SIDT1: variants seen among roughly 807,000 people sequenced by gnomAD.
SIDT1 encodes SID1 transmembrane family, member 1.
A neutral mutation model predicts 107.5 loss-of-function variants in SIDT1; 101 were observed. That is an observed-to-expected ratio of 0.94 (90% CI 0.80 to 1.11). The LOEUF (loss-of-function observed/expected upper bound fraction) is 1.11. Ranked by LOEUF, SIDT1 falls within the 50% of genes least tolerant of loss-of-function variation. SIDT1 has a pLI of 0.00. For missense variants in SIDT1, 1,076 were observed against 1,058.2 expected, an observed-to-expected ratio of 1.02 and a Z score of -0.23; for synonymous variants, 395 against 398.2, an observed-to-expected ratio of 0.99 and a Z score of 0.10.
chr3:113,630,574 A>G (rs1316516589), downstream of SIDT1, among the ~76,000 whole-genome samples: 3 of 152,192 alleles, frequency 2.0e-5, no homozygotes, highest in African/African-American at 7.2e-5. Flanking sequence ...ATCCTCCTCA[A>G]TATGGGTGAT....
At chr3:113,626,507 A>G (rs1025254145) in intron 24 of SIDT1, among the ~76,000 whole-genome samples, 69 of 152,314 alleles carry the variant, frequency 4.5e-4, no homozygotes, top group African/African-American at 1.5e-3. Context: ...CCACATGCCC[A>G]GAATTCCCCC....
At chr3:113,580,505 T>G in intron 4 of SIDT1, 103 bp from the exon 5 acceptor site, 1 of 721,740 alleles carries the variant, frequency 1.4e-6, no homozygotes, top group Non-Finnish European at 2.5e-6. Flanking sequence ...AATTCATTAA[T>G]GGAGATTCAC....
intron 3 of SIDT1, among the ~76,000 whole-genome samples, chr3:113,573,366 T>C (rs1034144968): frequency 6.6e-6 from 1 of 152,158 alleles, no homozygotes; most frequent in South Asian, 2.1e-4. Context: ...GGCATTATTG[T>C]GGTATTTACA....
At chr3:113,560,642 T>A (rs891095995) in intron 1 of SIDT1, among the ~76,000 whole-genome samples, 3 of 152,164 alleles carry the variant, frequency 2.0e-5, no homozygotes, top group Non-Finnish European at 4.4e-5. Context: ...GTTTTACAAG[T>A]GGAGTCAGTT....
intron 3 of SIDT1, among the ~76,000 whole-genome samples, chr3:113,569,149 A>AAAG (rs1942215650): frequency 6.6e-6 from 1 of 151,284 alleles, no homozygotes; most frequent in African/African-American, 2.4e-5. Context: ...AAAAAAAAAA[A>AAAG]AAAAAAAAAA....
intron 17 of SIDT1, among the ~76,000 whole-genome samples, chr3:113,609,548 G>A (rs557479764): frequency 5.9e-5 from 9 of 152,266 alleles, no homozygotes; most frequent in African/African-American, 2.2e-4. Context: ...AATTGAAAGC[G>A]GGTAGACATT....
chr3:113,582,207 T>A (rs568274531), intron 6 of SIDT1, among the ~76,000 whole-genome samples: 49 of 152,338 alleles, frequency 3.2e-4, no homozygotes, highest in African/African-American at 9.9e-4. Flanking sequence ...TTATTTCAAT[T>A]GTAATTTTAT....
intron 17 of SIDT1, among the ~76,000 whole-genome samples, chr3:113,609,523 C>T (rs983553623): frequency 3.3e-5 from 5 of 152,122 alleles, no homozygotes; most frequent in Non-Finnish European, 7.4e-5. Context: ...GGGGCTGAGA[C>T]AGTGTGCATT....
At chr3:113,544,428 G>A (rs982304288) in intron 1 of SIDT1, among the ~76,000 whole-genome samples, 3 of 152,096 alleles carry the variant, frequency 2.0e-5, no homozygotes, top group Non-Finnish European at 4.4e-5. Flanking sequence ...CTGACCTTGT[G>A]ATCCACCCAG....
chr3:113,608,658 T>A, intron 17 of SIDT1, 122 bp downstream of exon 17: 1 of 734,756 alleles, frequency 1.4e-6, no homozygotes, highest in Non-Finnish European at 2.4e-6. Context: ...GCTGAAGAGA[T>A]CAGAGAGGAC....
chr3:113,628,266 C>T lies in SIDT1; in HGVS notation c.*558C>T, dbSNP rs879521660. The T allele has an allele frequency of 6.5e-6, 1 of 153,108 alleles. No homozygotes were observed. Among genetic ancestry groups the T allele is most frequent in the Non-Finnish European group, 1.5e-5 (1 of 68,412 alleles). The allele number at this position is 153,108 out of a possible 1,614,324, so 9.5% of individuals were successfully genotyped here. On this transcript the variant is annotated 3_prime_UTR_variant, in exon 25 of 25. Coordinates refer to ENST00000264852, the MANE Select transcript of SIDT1 (RefSeq NM_017699.3). The stretch of plus-strand genomic sequence containing the variant: ...TTTTAATGGCACCAGCTAGTCACCT[C>T]CCAGAAGAAACTCTGTATATTTCCC...
chr3:113,541,154 A>T (rs1938812534), intron 1 of SIDT1, among the ~76,000 whole-genome samples: 1 of 152,006 alleles, frequency 6.6e-6, no homozygotes, highest in East Asian at 1.9e-4. Context: ...ACACACACAC[A>T]CACACACACA....
At chr3:113,536,173 C>T (rs1164636031) in intron 1 of SIDT1, among the ~76,000 whole-genome samples, 1 of 152,204 alleles carries the variant, frequency 6.6e-6, no homozygotes, top group Admixed American at 6.5e-5. Context: ...GCCATCCCCT[C>T]ATACCTCCTC....
rs138157209 is a variant in SIDT1 at position 113,583,481 on chromosome 3, T to C, written c.820T>C (p.Ser274Pro). Residue 274 changes from serine to proline, a missense_variant, in exon 7 of 25, where the codon TCT becomes CCT. Physicochemically the swap from Ser to Pro is moderately conservative, Grantham distance 74. Transcript: ENST00000264852. ...GCCTGAAGATTATGCCTGTGGAGGA[T>C]CTTTCTTCATCCAGGGTAAGAGCTA... The part of the protein sequence containing the change: ...IKPEDYACGG[S>P]FFIQEKENQT... 1.0e-5 allele frequency: 16 copies of C among 1,595,032 alleles called. No homozygotes were observed. In the African/African-American group the frequency reaches 2.1e-4, roughly 21 times the overall value.
At chr3:113,567,127 T>C (rs1471236283) in intron 2 of SIDT1, among the ~76,000 whole-genome samples, 4 of 152,258 alleles carry the variant, frequency 2.6e-5, no homozygotes, top group Non-Finnish European at 5.9e-5. Flanking sequence ...ACTGAAATAC[T>C]AACTCTGTTA....
At chr3:113,617,499 A>G (rs927995680) in intron 20 of SIDT1, among the ~76,000 whole-genome samples, 2 of 152,190 alleles carry the variant, frequency 1.3e-5, no homozygotes, top group Admixed American at 1.3e-4. Context: ...TTTAGCAAGT[A>G]CCTGCTAATC....
intron 1 of SIDT1, among the ~76,000 whole-genome samples, chr3:113,540,001 T>C: frequency 7.5e-6 from 1 of 133,208 alleles, no homozygotes; most frequent in East Asian, 2.1e-4. Context: ...TGAAACTCCG[T>C]CTCAAAAAAA....
intron 1 of SIDT1, among the ~76,000 whole-genome samples, chr3:113,534,410 G>T (rs1241238024): frequency 2.6e-5 from 4 of 152,168 alleles, no homozygotes. Flanking sequence ...CTCCAGTGTG[G>T]CACCAAATCC....
At chr3:113,607,219 C>G (rs1945400657) in intron 15 of SIDT1, 105 bp downstream of exon 15, 1 of 734,438 alleles carries the variant, frequency 1.4e-6, no homozygotes, top group Non-Finnish European at 2.4e-6. Context: ...TGGAAAACGA[C>G]CCTATTCAAG....
Sources: gnomAD v4.1 joint callset for allele counts (sites outside exome capture counted in the v4.1 genomes callset) on GRCh38, gnomAD v4.1.1 for gene constraint, MANE v1.5 for transcripts, NCBI Gene and HGNC (gene_info 2026-07-23, HGNC 2026-07-21) for gene names.